The following SCAPER variants were observed in gnomAD, a reference collection of about 807,000 sequenced individuals.
The protein encoded by SCAPER is S phase cyclin A-associated protein in the endoplasmic reticulum.
SCAPER carries 98 observed loss-of-function variants against 182.2 expected under a neutral mutation model. The observed-to-expected ratio is 0.54, with a 90% confidence interval of 0.46 to 0.64. The LOEUF is 0.64. Ranked by LOEUF, SCAPER falls within the 30% of genes least tolerant of loss-of-function variation. The pLI is 0.00. For missense variants in SCAPER, 1,432 were observed against 1,690.0 expected (o/e 0.85, Z 2.68); for synonymous variants, 605 against 564.6 (o/e 1.07, Z -1.01).
At chr15:76,782,864 T>A (rs928105333) in intron 8 of SCAPER, among the ~76,000 whole-genome samples, 6 of 152,184 alleles carry the variant, frequency 3.9e-5, no homozygotes, top group Non-Finnish European at 5.9e-5. Context: ...CCAGAATCCC[T>A]GGGACACATT....
chr15:76,573,792 T>C (rs957344271), intron 23 of SCAPER, among the ~76,000 whole-genome samples: 6 of 152,108 alleles, frequency 3.9e-5, no homozygotes, highest in African/African-American at 1.4e-4. Flanking sequence ...GATATTGGTG[T>C]TTTGTAGAAA....
At chr15:76,809,698 T>C (rs978855920) in intron 5 of SCAPER, among the ~76,000 whole-genome samples, 6 of 152,142 alleles carry the variant, frequency 3.9e-5, no homozygotes, top group African/African-American at 1.4e-4. Flanking sequence ...AAAGAAATGA[T>C]GGCTGAAAAC....
At chr15:76,404,400 A>G in intron 27 of SCAPER, 124 bp downstream of exon 27, 1 of 951,964 alleles carries the variant, frequency 1.1e-6, no homozygotes, top group East Asian at 2.6e-5. Context: ...ATGATGGGGA[A>G]AGAACAAAGA....
At chr15:76,581,618 G>A (rs8038984) in intron 22 of SCAPER, among the ~76,000 whole-genome samples, 12,594 of 152,150 alleles carry the variant, frequency 0.083, 593 homozygotes, top group Middle Eastern at 0.12. Context: ...ACAGAGTCTC[G>A]CTCTGTTGCC....
intron 15 of SCAPER, among the ~76,000 whole-genome samples, chr15:76,742,665 A>G (rs1042328945): frequency 1.3e-5 from 2 of 151,974 alleles, no homozygotes; most frequent in South Asian, 4.1e-4. Flanking sequence ...ATCACCATCA[A>G]CAGAATACTA....
chr15:76,473,850 T>C (rs1007050243), intron 24 of SCAPER, among the ~76,000 whole-genome samples: 1 of 152,120 alleles, frequency 6.6e-6, no homozygotes, highest in Non-Finnish European at 1.5e-5. Flanking sequence ...TCACCCAGGC[T>C]GGAGTGAAGT....
chr15:76,471,392 T>C, intron 24 of SCAPER, 57 bp from the exon 25 acceptor site: 2 of 1,521,790 alleles, frequency 1.3e-6, no homozygotes, highest in East Asian at 2.3e-5. Context: ...CTTTAAACAA[T>C]TAAAAATACA....
intron 27 of SCAPER, among the ~76,000 whole-genome samples, chr15:76,390,628 C>A (rs565372150): frequency 9.2e-5 from 14 of 152,266 alleles, no homozygotes; most frequent in Non-Finnish European, 1.5e-4. Flanking sequence ...CAGGCTGGGG[C>A]TGTTGTCCAG....
intron 20 of SCAPER, among the ~76,000 whole-genome samples, chr15:76,693,091 T>G (rs2058467271): frequency 6.6e-6 from 1 of 152,164 alleles, no homozygotes; most frequent in African/African-American, 2.4e-5. Flanking sequence ...TAAGGCTATG[T>G]TATTAACAGC....
chr15:76,731,932 A>G (rs1180946141), intron 16 of SCAPER, among the ~76,000 whole-genome samples: 1 of 152,234 alleles, frequency 6.6e-6, no homozygotes, highest in East Asian at 1.9e-4. Context: ...TATATTTCAA[A>G]TCTGCAAAAT....
At chr15:76,764,810 C>A in intron 14 of SCAPER, 151 bp downstream of exon 14, 3 of 532,552 alleles carry the variant, frequency 5.6e-6, no homozygotes, top group South Asian at 2.9e-5. Flanking sequence ...AATAGTTAAC[C>A]TTCTTGGATT....
At chr15:76,890,806 T>C (rs537944459) in intron 1 of SCAPER, among the ~76,000 whole-genome samples, 1 of 152,324 alleles carries the variant, frequency 6.6e-6, no homozygotes, top group East Asian at 1.9e-4. Context: ...GAATCCTCCC[T>C]AACTCATTTT....
At chr15:76,744,436 A>G (rs2061691561) in intron 15 of SCAPER, among the ~76,000 whole-genome samples, 1 of 152,194 alleles carries the variant, frequency 6.6e-6, no homozygotes, top group Admixed American at 6.5e-5. Context: ...TAAATCAACA[A>G]GCAAAAAAAC....
intron 1 of SCAPER, among the ~76,000 whole-genome samples, chr15:76,889,299 G>A (rs2074033539): frequency 6.6e-6 from 1 of 152,088 alleles, no homozygotes; most frequent in African/African-American, 2.4e-5. Flanking sequence ...CTAACATAAT[G>A]ACAGGATCAA....
chr15:76,727,918 C>G (rs894071068), intron 17 of SCAPER, among the ~76,000 whole-genome samples: 1 of 151,550 alleles, frequency 6.6e-6, no homozygotes, highest in Admixed American at 6.6e-5. Flanking sequence ...ATAAAAAAAC[C>G]CTGAACAGCT....
chr15:76,537,355 G>A (rs2044269187), intron 23 of SCAPER, among the ~76,000 whole-genome samples: 1 of 152,062 alleles, frequency 6.6e-6, no homozygotes, highest in East Asian at 1.9e-4. Flanking sequence ...GCATGGTACT[G>A]GTACCAAAAC....
Position 76,599,561 on chromosome 15 carries a change from T to C in SCAPER, c.2711+22203A>G, listed in dbSNP as rs2086096074. Among the ~76,000 whole-genome samples, 5 of 122,158 alleles carry C rather than the reference T, an allele frequency of 4.1e-5. 1 individual carries two copies. The highest frequency in any genetic ancestry group is 1.0e-4 in the Non-Finnish European group (5 of 50,242). The allele number at this position is 122,158 out of a possible 152,430, so 80.1% of individuals were successfully genotyped here. On this transcript the variant is annotated intron_variant, in intron 22 of 31. Transcript: ENST00000563290. ...CTGTCCAGCAATAAAAAGGAATGAA[T>C]TGATAAACACAACATGGGTGAAACA...
At chr15:76,553,693 G>T (rs761655020) in intron 23 of SCAPER, among the ~76,000 whole-genome samples, 1 of 152,058 alleles carries the variant, frequency 6.6e-6, no homozygotes, top group Non-Finnish European at 1.5e-5. Flanking sequence ...GAGAGTAAGA[G>T]CACACAGCCA....
chr15:76,699,180 T>C (rs2058799594), intron 20 of SCAPER, among the ~76,000 whole-genome samples: 1 of 152,164 alleles, frequency 6.6e-6, no homozygotes, highest in Admixed American at 6.5e-5. Context: ...CCTTTTAGGT[T>C]TTCCAGGTAT....
Sources: gnomAD v4.1 joint callset for allele counts (sites outside exome capture counted in the v4.1 genomes callset) on GRCh38, gnomAD v4.1.1 for gene constraint, MANE v1.5 for transcripts, NCBI Gene and HGNC (gene_info 2026-07-23, HGNC 2026-07-21) for gene names.